The following LUC7L variants were observed in gnomAD, a reference collection of about 807,000 sequenced individuals.
The protein encoded by LUC7L is putative RNA-binding protein Luc7-like 1.
In LUC7L, 29 loss-of-function variants were observed where a neutral mutation model predicts 51.1. The ratio of observed to expected loss-of-function variants is 0.57; its 90% CI spans 0.42 to 0.77. LUC7L has a LOEUF of 0.77. Ranked by LOEUF, LUC7L falls within the 30% of genes least tolerant of loss-of-function variation. The pLI is 0.00. For synonymous variants in LUC7L, 181 were observed against 180.7 expected, an observed-to-expected ratio of 1.00 and a Z score of -0.01; for missense variants, 403 against 511.9, an observed-to-expected ratio of 0.79 and a Z score of 2.05.
intron 2 of LUC7L, among the ~76,000 whole-genome samples, chr16:221,259 G>C (rs1438833428): frequency 4.9e-5 from 7 of 143,886 alleles, no homozygotes; most frequent in Non-Finnish European, 1.0e-4. Flanking sequence ...TGGCCAGGCT[G>C]GTCTTGAACC....
intron 2 of LUC7L, among the ~76,000 whole-genome samples, 191 bp from the exon 3 acceptor site, chr16:220,938 T>C (rs953670058): frequency 4.6e-5 from 7 of 152,248 alleles, no homozygotes; most frequent in African/African-American, 1.4e-4. Flanking sequence ...GACTACGTGA[T>C]ACTTGAAACT....
At chr16:223,088 G>A (rs1369991057) in intron 2 of LUC7L, among the ~76,000 whole-genome samples, 8 of 151,552 alleles carry the variant, frequency 5.3e-5, no homozygotes, top group South Asian at 2.1e-4. Flanking sequence ...GGCTGGGCAC[G>A]GTGGCTCACT....
chr16:201,782 C>T (rs2049341118), intron 5 of LUC7L, among the ~76,000 whole-genome samples: 1 of 130,006 alleles, frequency 7.7e-6, no homozygotes, highest in African/African-American at 3.0e-5. Flanking sequence ...CTTGCTCTGT[C>T]ACCCATATTG....
At chr16:193,222 C>T (rs1302179578) in intron 6 of LUC7L, among the ~76,000 whole-genome samples, 1 of 152,050 alleles carries the variant, frequency 6.6e-6, no homozygotes, top group Non-Finnish European at 1.5e-5. Context: ...GATCTCGGCT[C>T]ACTGCAACTT....
chr16:195,493 A>G (rs1449014195), intron 6 of LUC7L, among the ~76,000 whole-genome samples: 1 of 152,056 alleles, frequency 6.6e-6, no homozygotes, highest in Non-Finnish European at 1.5e-5. Flanking sequence ...TCGTGATCAC[A>G]GTTCACTGCA....
chr16:208,672 AC>A, intron 3 of LUC7L: 4 of 977,792 alleles, frequency 4.1e-6, no homozygotes, highest in Non-Finnish European at 4.9e-6. Context: ...CACCTCAAAA[AC>A]AAAACAATAG....
At chr16:199,758 A>C in intron 5 of LUC7L, among the ~76,000 whole-genome samples, 1 of 16,118 alleles carries the variant, frequency 6.2e-5, no homozygotes, top group Non-Finnish European at 1.2e-4. Context: ...CCCTGTCTCA[A>C]AAAAAAAAAA....
intron 3 of LUC7L, among the ~76,000 whole-genome samples, chr16:210,522 C>T (rs79324203): frequency 0.023 from 3,523 of 152,246 alleles, 153 homozygotes; most frequent in African/African-American, 0.08. Context: ...CCTCAGACAA[C>T]AGCCCCTAAC....
In LUC7L at chr16:199,567, T is replaced by A. The variant is rs1295755065; in HGVS notation, c.511-329A>T. Reference sequence around the variant, plus strand: ...CTGGCGGATCACCTGAGGTCCGGAGTTCAAGATCAGCCTGACCAACATGGA... The same window carrying A: ...CTGGCGGATCACCTGAGGTCCGGAGATCAAGATCAGCCTGACCAACATGGA... On this transcript the variant is annotated intron_variant, in intron 5 of 9. Coordinates refer to ENST00000293872, the MANE Select transcript of LUC7L (RefSeq NM_201412.3). Among the ~76,000 whole-genome samples, 13 of 148,062 alleles carry A rather than the reference T, an allele frequency of 8.8e-5. No homozygotes were observed. In the South Asian group the frequency reaches 1.8e-3, roughly 20 times the overall value.
chr16:197,405 G>A (rs1181679892), intron 6 of LUC7L, among the ~76,000 whole-genome samples: 1 of 151,840 alleles, frequency 6.6e-6, no homozygotes, highest in Non-Finnish European at 1.5e-5. Context: ...TAAAGACGGG[G>A]TTTCACTATG....
chr16:192,885 C>T (rs373418558), intron 7 of LUC7L, 42 bp downstream of exon 7: 106 of 1,526,774 alleles, frequency 6.9e-5, no homozygotes, highest in Non-Finnish European at 7.7e-5. Context: ...AGGGAATGCC[C>T]GAGGCCAATG....
intron 1 of LUC7L, chr16:228,234 T>A (rs1375339006): frequency 7.7e-7 from 1 of 1,296,536 alleles, no homozygotes; most frequent in Non-Finnish European, 1.0e-6. Flanking sequence ...TGTCTTTTTA[T>A]TGAAAATGTT....
intron 5 of LUC7L, among the ~76,000 whole-genome samples, chr16:199,439 G>A (rs1156563884): frequency 6.6e-6 from 1 of 152,172 alleles, no homozygotes; most frequent in East Asian, 1.9e-4. Flanking sequence ...CACGGTCCCA[G>A]CACTTTGTGA....
intron 5 of LUC7L, 85 bp downstream of exon 5, chr16:205,919 G>T: frequency 6.8e-7 from 1 of 1,472,156 alleles, no homozygotes; most frequent in Non-Finnish European, 9.2e-7. Flanking sequence ...AAAAATGGGA[G>T]CAAGCATGGG....
chr16:202,020 A>G (rs2049348164), intron 5 of LUC7L, among the ~76,000 whole-genome samples: 1 of 152,046 alleles, frequency 6.6e-6, no homozygotes, highest in Admixed American at 6.6e-5. Context: ...CTGGGATTAC[A>G]GGCATGAGCA....
intron 2 of LUC7L, among the ~76,000 whole-genome samples, chr16:220,962 G>GTATTAATAA (rs2049948640): frequency 2.0e-5 from 3 of 152,172 alleles, no homozygotes; most frequent in Non-Finnish European, 2.9e-5. Context: ...GCATTTAATA[G>GTATTAATAA]TGTAAAGTTT....
chr16:189,463 C>G, intron 9 of LUC7L, 124 bp from the exon 10 acceptor site: 1 of 1,428,726 alleles, frequency 7.0e-7, no homozygotes, highest in African/African-American at 1.4e-5. Flanking sequence ...ACCTGGAAAC[C>G]CCCCGGAGGC....
In LUC7L at chr16:228,180, G is replaced by A. The variant is rs1317279579; in HGVS notation, c.62-844C>T. Reference sequence around the variant, plus strand: ...AACACAGAGCTGTGCAACGCTAGAGGAGGAATATATTTTAGGATTTGCAAG... The same window carrying A: ...AACACAGAGCTGTGCAACGCTAGAGAAGGAATATATTTTAGGATTTGCAAG... On this transcript the variant is annotated intron_variant, in intron 1 of 9. Transcript: ENST00000293872. 3.9e-5 allele frequency: 49 copies of A among 1,256,558 alleles called. 1 individual carries two copies. The South Asian group carries it at 5.2e-4, about 13-fold the overall frequency. 77.8% of individuals were successfully genotyped at this position (1,256,558 alleles called of 1,614,324 possible).
At chr16:227,844 T>C (rs1334046414) in intron 1 of LUC7L, 1 of 1,000,984 alleles carries the variant, frequency 1.0e-6, no homozygotes, top group East Asian at 1.0e-4. Flanking sequence ...AATCTAGATC[T>C]ATTCTTCCTA....
Sources: gnomAD v4.1 joint callset for allele counts (sites outside exome capture counted in the v4.1 genomes callset) on GRCh38, gnomAD v4.1.1 for gene constraint, MANE v1.5 for transcripts, NCBI Gene and HGNC (gene_info 2026-07-23, HGNC 2026-07-21) for gene names.